DNAAF5: variants seen among roughly 807,000 people sequenced by gnomAD.
DNAAF5 encodes HEAT repeat containing 2.
A neutral mutation model predicts 75.8 loss-of-function variants in DNAAF5; 64 were observed. The observed-to-expected ratio is 0.84, with a 90% CI of 0.69 to 1.04. The LOEUF (loss-of-function observed/expected upper bound fraction) is 1.04, where lower values mean the gene tolerates loss of function less well. DNAAF5 is among the 50% of genes least tolerant of loss of function. The probability of loss-of-function intolerance (pLI) is 0.00; values close to 1 mark genes in which losing one functional copy is unlikely to be tolerated. For synonymous variants in DNAAF5, 657 were observed against 557.2 expected (o/e 1.18, Z -2.52); for missense variants, 1,269 against 1,178.5 (o/e 1.08, Z -1.12).
At chr7:765,266 G>A (rs890791135) in intron 8 of DNAAF5, among the ~76,000 whole-genome samples, 3 of 152,188 alleles carry the variant, frequency 2.0e-5, no homozygotes, top group Admixed American at 6.5e-5. Context: ...CTGTGACCCC[G>A]TTTCACAGAC....
At chr7:773,285 C>T (rs1007657407) in intron 9 of DNAAF5, among the ~76,000 whole-genome samples, 6 of 152,208 alleles carry the variant, frequency 3.9e-5, no homozygotes, top group Non-Finnish European at 7.3e-5. Flanking sequence ...AGGAGCAAGC[C>T]GGTGGCGCCT....
chr7:776,219 C>G (rs992757550), intron 11 of DNAAF5, among the ~76,000 whole-genome samples: 6 of 152,030 alleles, frequency 3.9e-5, no homozygotes, highest in African/African-American at 1.5e-4. Flanking sequence ...GCCTGTAGTT[C>G]CAGCTACTCA....
intron 1 of DNAAF5, 181 bp downstream of exon 1, chr7:727,496 C>A: frequency 3.2e-6 from 1 of 310,934 alleles, no homozygotes. Flanking sequence ...GCACCCCGCC[C>A]GGCCCCCTCC....
chr7:782,902 C>T (rs887145177), intron 12 of DNAAF5, among the ~76,000 whole-genome samples: 6 of 151,830 alleles, frequency 4.0e-5, no homozygotes, highest in African/African-American at 1.5e-4. Flanking sequence ...GAAACTCGAT[C>T]TTCCTGGCGT....
Position 757,844 on chromosome 7 carries a change from G to C in DNAAF5, c.1470+850G>C, listed in dbSNP as rs544244687. Among the ~76,000 whole-genome samples, 216 of 152,372 alleles carry C rather than the reference G, an allele frequency of 1.4e-3. 2 individuals carry two copies. Among genetic ancestry groups the C allele is most frequent in the African/African-American group, 5.1e-3 (211 of 41,594 alleles). ...CCCCTGGAGGCACTTGCTCCGGCTC[G>C]ATCGTTTCCGGCGGCTTCTATGGCC... On this transcript the variant is annotated intron_variant, in intron 6 of 12. Coordinates refer to ENST00000297440, the MANE Select transcript of DNAAF5 (RefSeq NM_017802.4).
At chr7:776,443 A>C (rs1359079101) in intron 11 of DNAAF5, among the ~76,000 whole-genome samples, 4 of 152,260 alleles carry the variant, frequency 2.6e-5, no homozygotes, top group Non-Finnish European at 5.9e-5. Context: ...ACGGCACAGC[A>C]AGAAGCAAGG....
intron 6 of DNAAF5, among the ~76,000 whole-genome samples, chr7:757,787 C>T (rs974611504): frequency 5.9e-5 from 9 of 152,364 alleles, no homozygotes; most frequent in African/African-American, 1.7e-4. Context: ...CCCCACCAGG[C>T]GGCCGTGCCA....
intron 4 of DNAAF5, among the ~76,000 whole-genome samples, chr7:745,347 C>T (rs1187675436): frequency 4.6e-5 from 7 of 152,066 alleles, no homozygotes; most frequent in Non-Finnish European, 8.8e-5. Flanking sequence ...GGCGGGGGGT[C>T]GGGGGGACTG....
intron 11 of DNAAF5, 36 bp from the exon 12 acceptor site, chr7:779,917 C>T (rs1778879107): frequency 6.3e-7 from 1 of 1,584,588 alleles, no homozygotes; most frequent in African/African-American, 1.3e-5. Flanking sequence ...AATGTCTGCT[C>T]TAGACTCACA....
rs545586843 is a variant in DNAAF5, at chr7:782,914, G to A, written c.2432-2603G>A. Among the ~76,000 whole-genome samples, 24 of 152,368 alleles carry A rather than the reference G, an allele frequency of 1.6e-4. No homozygotes were observed. In the South Asian group the frequency reaches 5.0e-3, roughly 32 times the overall value. On this transcript the variant is annotated intron_variant, in intron 12 of 12. Coordinates refer to ENST00000297440, the MANE Select transcript of DNAAF5 (RefSeq NM_017802.4). Reference sequence around the variant, plus strand: ...TCAGAAACTCGATCTTCCTGGCGTGGCCACCTCCCCTCCGGCGGCATCAGA... The same window carrying A: ...TCAGAAACTCGATCTTCCTGGCGTGACCACCTCCCCTCCGGCGGCATCAGA...
chr7:734,516 C>T (rs908610504), intron 2 of DNAAF5, among the ~76,000 whole-genome samples: 1 of 152,334 alleles, frequency 6.6e-6, no homozygotes, highest in Middle Eastern at 3.4e-3. Context: ...CAGTGTTCAT[C>T]AGGGATATTG....
rs114569169 is a variant in DNAAF5 at position 735,524 on chromosome 7, C to T, written c.781-5295C>T. ...TTGTAGTTGCTGATATTGTTGCTCA[C>T]GGTTTTCTTCATGGTGTAGCTGCTC... On this transcript the variant is annotated intron_variant, in intron 2 of 12. Coordinates refer to ENST00000297440, the MANE Select transcript of DNAAF5 (RefSeq NM_017802.4). Among the ~76,000 whole-genome samples, 884 of 130,276 alleles carry T rather than the reference C, an allele frequency of 6.8e-3. 11 individuals are homozygous for T. Among genetic ancestry groups the T allele is most frequent in the African/African-American group, 0.024 (836 of 34,360 alleles). The allele number at this position is 130,276 out of a possible 152,430, so 85.5% of individuals were successfully genotyped here.
At position 726,834 on chromosome 7, in the gene DNAAF5, G is replaced by A. The variant is rs1411422606; in HGVS notation, c.114G>A (p.Leu38=). 7.5e-7 allele frequency: 1 copy of A among 1,329,656 alleles called. No homozygotes were observed. Among genetic ancestry groups the A allele is most frequent in the Non-Finnish European group, 9.6e-7 (1 of 1,042,578 alleles). 82.4% of individuals were successfully genotyped at this position (1,329,656 alleles called of 1,614,324 possible). ...SRALSRLLPG[L]EADSKPGRRR... is the part of the protein sequence containing the mutation. ...CCCTGAGCCGCCTGCTGCCGGGGCT[G>A]GAGGCCGACAGCAAGCCGGGCCGGC... Residue 38 remains leucine (L), a synonymous_variant, in exon 1 of 13, where the codon CTG becomes CTA. Coordinates refer to ENST00000297440, the MANE Select transcript of DNAAF5 (RefSeq NM_017802.4).
chr7:784,230 C>T lies in DNAAF5; in HGVS notation c.2432-1287C>T, dbSNP rs118175939. On this transcript the variant is annotated intron_variant, in intron 12 of 12. Coordinates refer to ENST00000297440, the MANE Select transcript of DNAAF5 (RefSeq NM_017802.4). ...CCGTGCTCAGTCTCTTGGTCTTTCC[C>T]TCGCCCATGTGGGCCCCTCACTGCT... Among the ~76,000 whole-genome samples, 462 of 152,310 alleles carry T rather than the reference C, an allele frequency of 3.0e-3. 23 individuals are homozygous for T. In the East Asian group the frequency reaches 0.085, roughly 28 times the overall value.
chr7:731,186 A>G (rs1262789881), intron 2 of DNAAF5, among the ~76,000 whole-genome samples: 2 of 152,130 alleles, frequency 1.3e-5, no homozygotes, highest in African/African-American at 4.8e-5. Flanking sequence ...ACTCCTCAAA[A>G]CAGTGTGATG....
chr7:742,014 G>C (rs969035239), intron 4 of DNAAF5, among the ~76,000 whole-genome samples: 2 of 152,220 alleles, frequency 1.3e-5, no homozygotes, highest in Non-Finnish European at 2.9e-5. Flanking sequence ...TGGCCATGTT[G>C]CGGGCACCCA....
Position 740,944 on chromosome 7 carries a change from G to T in DNAAF5, c.905+1G>T, listed in dbSNP as rs1377026253. The T allele has an allele frequency of 6.2e-7, 1 of 1,612,854 alleles. No homozygotes were observed. Among genetic ancestry groups the T allele is most frequent in the Non-Finnish European group, 8.5e-7 (1 of 1,179,994 alleles). On this transcript the variant is annotated splice_donor_variant, in intron 3 of 12. Coordinates refer to ENST00000297440, the MANE Select transcript of DNAAF5 (RefSeq NM_017802.4). LOFTEE classifies it high-confidence loss of function. The stretch of plus-strand genomic sequence containing the variant: ...TCAACGACGAGGTGCCTGAGGTCAG[G>T]TACGTGGGCAGGCGGCCGCGGGCCT...
At chr7:752,295 G>A (rs958511590) in intron 4 of DNAAF5, among the ~76,000 whole-genome samples, 3 of 152,014 alleles carry the variant, frequency 2.0e-5, no homozygotes, top group Admixed American at 6.6e-5. Context: ...CTAGGGCGAA[G>A]CCTTTGTGAC....
At position 775,754 on chromosome 7, in the gene DNAAF5, G is replaced by A. The variant is rs144288700; in HGVS notation, c.2239+592G>A. On this transcript the variant is annotated intron_variant, in intron 11 of 12. Transcript: ENST00000297440. Reference sequence around the variant, plus strand: ...GGCCTTAAAACAACATTGGACCCTCGTGAAGGAAGCGTCGTGTGGACGTTG... The same window carrying A: ...GGCCTTAAAACAACATTGGACCCTCATGAAGGAAGCGTCGTGTGGACGTTG... Among the ~76,000 whole-genome samples the A allele has an allele frequency of 4.7e-3, 710 of 152,272 alleles. 19 individuals carry two copies. Among genetic ancestry groups the A allele is most frequent in the Admixed American group, 0.039 (595 of 15,288 alleles).
Sources: gnomAD v4.1 joint callset for allele counts (sites outside exome capture counted in the v4.1 genomes callset) on GRCh38, gnomAD v4.1.1 for gene constraint, MANE v1.5 for transcripts, NCBI Gene and HGNC (gene_info 2026-07-23, HGNC 2026-07-21) for gene names.